The following LACTBL1 variants were observed in gnomAD, a reference collection of about 807,000 sequenced individuals.
LACTBL1 encodes beta-lactamase-like protein 1.
LACTBL1 carries 29 observed loss-of-function variants against 39.6 expected under a neutral mutation model. That is an observed-to-expected ratio of 0.73 (90% CI 0.55 to 1.00). The LOEUF (loss-of-function observed/expected upper bound fraction) is 1.00, where lower values mean the gene tolerates loss of function less well. Among genes scored for constraint, LACTBL1 ranks in the 50% least tolerant of loss-of-function variants. LACTBL1 has a pLI of 0.00. For missense variants in LACTBL1, 711 were observed against 748.5 expected (o/e 0.95, Z 0.59); for synonymous variants, 361 against 360.7 (o/e 1.00, Z -0.01).
intron 1 of LACTBL1, among the ~76,000 whole-genome samples, chr1:22,963,854 T>C (rs1000648478): frequency 6.6e-6 from 1 of 152,096 alleles, no homozygotes; most frequent in African/African-American, 2.4e-5. Flanking sequence ...TAATACATCC[T>C]CCTCGTCTTC....
At chr1:22,954,115 G>A (rs1640739789) in intron 5 of LACTBL1, 91 bp from the exon 8 acceptor site, 2 of 1,446,674 alleles carry the variant, frequency 1.4e-6, no homozygotes, top group South Asian at 3.0e-5. Context: ...ACTGGGCGGG[G>A]CTGGGAAGGA....
upstream of LACTBL1, among the ~76,000 whole-genome samples, chr1:22,966,512 A>G (rs574839052): frequency 3.9e-5 from 6 of 152,348 alleles, no homozygotes; most frequent in Admixed American, 2.0e-4. Context: ...ACATCACTAC[A>G]GATCTTACAG....
the LACTBL1 span, among the ~76,000 whole-genome samples, chr1:22,971,059 G>A: frequency 2.0e-5 from 3 of 152,196 alleles, no homozygotes; most frequent in Non-Finnish European, 2.9e-5. Context: ...CCCTTGGTGG[G>A]AAGGCAGCCT....
intron 4 of LACTBL1, among the ~76,000 whole-genome samples, chr1:22,956,714 A>ATCCCGCCCTGCCCAAT (rs1360427467): frequency 6.6e-6 from 1 of 152,002 alleles, no homozygotes; most frequent in Admixed American, 6.6e-5. Flanking sequence ...TCTGTTCCTG[A>ATCCCGCCCTGCCCAAT]TCCCGCCCTG....
chr1:22,971,018 A>G, the LACTBL1 span, among the ~76,000 whole-genome samples: 4 of 152,336 alleles, frequency 2.6e-5, no homozygotes, highest in Admixed American at 2.6e-4. Context: ...CCCTCCTGGC[A>G]TGAACACAGA....
At chr1:22,958,305 G>T (rs1640782433) in intron 4 of LACTBL1, among the ~76,000 whole-genome samples, 1 of 151,866 alleles carries the variant, frequency 6.6e-6, no homozygotes, top group African/African-American at 2.4e-5. Context: ...GACTGGCTTA[G>T]AATTACTGGG....
intron 2 of LACTBL1, among the ~76,000 whole-genome samples, chr1:22,962,402 A>C (rs1640834286): frequency 6.6e-6 from 1 of 151,370 alleles, no homozygotes. Context: ...ATCATGTTTC[A>C]CTCATCTCCA....
Position 22,959,187 on chromosome 1 carries a change from T to G in LACTBL1, c.318-267A>C, listed in dbSNP as rs1020195544. Among the ~76,000 whole-genome samples the G allele has an allele frequency of 9.4e-4, 143 of 152,314 alleles. 2 individuals carry two copies. The East Asian group carries it at 0.026, about 28-fold the overall frequency. ...TTTCCCATTCAGGGACAGACCTGAG[T>G]TTGGATGGTGTCTCTGCCTCTCACT... On this transcript the variant is annotated intron_variant, in intron 3 of 5. Transcript: ENST00000426928.
chr1:22,961,513 G>A (rs1430514448), intron 2 of LACTBL1, among the ~76,000 whole-genome samples: 1 of 152,070 alleles, frequency 6.6e-6, no homozygotes, highest in African/African-American at 2.4e-5. Flanking sequence ...ACAGTCATAT[G>A]CCACCACGTG....
chr1:22,966,075 A>G (rs1430260668), upstream of LACTBL1, among the ~76,000 whole-genome samples: 1 of 152,226 alleles, frequency 6.6e-6, no homozygotes, highest in Non-Finnish European at 1.5e-5. Flanking sequence ...ACACTTAACA[A>G]TGGTGAATTT....
chr1:22,963,217 C>T lies in LACTBL1; in HGVS notation c.50-1G>A. 1 of 1,347,360 alleles carries T rather than the reference C, an allele frequency of 7.4e-7. No individual in the cohort carries two copies. The highest frequency in any genetic ancestry group is 2.0e-5 in the South Asian group (1 of 49,170). 83.5% of individuals were successfully genotyped at this position (1,347,360 alleles called of 1,614,324 possible). ...GAGGTCTCCTCTGGTCCCAGGGAAC[C>T]TGGAGGGAACATCACATGGTGAGGA... On this transcript the variant is annotated splice_acceptor_variant, in intron 1 of 5. Transcript: ENST00000426928. LOFTEE classifies it high-confidence loss of function.
At chr1:22,957,843 C>T (rs1468632000) in intron 4 of LACTBL1, among the ~76,000 whole-genome samples, 2 of 151,422 alleles carry the variant, frequency 1.3e-5, no homozygotes, top group African/African-American at 2.4e-5. Context: ...GTAGAGACAG[C>T]GTTTCACCAT....
intron 2 of LACTBL1, 89 bp from the exon 5 acceptor site, chr1:22,960,188 C>T: frequency 6.8e-7 from 1 of 1,461,040 alleles, no homozygotes; most frequent in Non-Finnish European, 9.2e-7. Context: ...CATAGTCACA[C>T]CCTGCATGCA....
chr1:22,972,258 T>A, the LACTBL1 span: 1 of 982,602 alleles, frequency 1.0e-6, no homozygotes, highest in Non-Finnish European at 1.2e-6. Flanking sequence ...GTCAGACATG[T>A]GTCAGAAGCT....
chr1:22,972,539 G>T, the LACTBL1 span: 5 of 543,832 alleles, frequency 9.2e-6, no homozygotes, highest in Middle Eastern at 9.2e-4. Flanking sequence ...CCTCCCAGGT[G>T]AGAGAAACAG....
chr1:22,963,269 A>G, intron 1 of LACTBL1, 53 bp from the exon 4 acceptor site: 1 of 1,075,124 alleles, frequency 9.3e-7, no homozygotes, highest in Non-Finnish European at 1.2e-6. Flanking sequence ...ATAGGAATCT[A>G]GGGGGAAAGT....
upstream of LACTBL1, chr1:22,965,562 G>T (rs1640868522): frequency 3.5e-6 from 1 of 281,866 alleles, no homozygotes; most frequent in Non-Finnish European, 5.4e-6. Flanking sequence ...AAATTTCACA[G>T]TTGTGAAACC....
intron 2 of LACTBL1, among the ~76,000 whole-genome samples, chr1:22,962,241 A>G (rs909609517): frequency 6.6e-6 from 1 of 152,138 alleles, no homozygotes; most frequent in African/African-American, 2.4e-5. Context: ...TCCCCTTCAC[A>G]AAAACCTTTC....
chr1:22,958,684 C>T lies in LACTBL1; in HGVS notation c.553+1G>A, dbSNP rs1307982080. The T allele has an allele frequency of 1.3e-6, 2 of 1,542,664 alleles. No homozygotes were observed. Among genetic ancestry groups the T allele is most frequent in the Non-Finnish European group, 1.8e-6 (2 of 1,142,580 alleles). On this transcript the variant is annotated splice_donor_variant, in intron 4 of 5. Transcript: ENST00000426928. LOFTEE classifies it high-confidence loss of function. ...CAGCCTGAGTCAGTTCTGAGACTCA[C>T]CTGAGAGCTGGCTGGCCATCCTTCG...
Sources: gnomAD v4.1 joint callset for allele counts (sites outside exome capture counted in the v4.1 genomes callset) on GRCh38, gnomAD v4.1.1 for gene constraint, MANE v1.5 for transcripts, NCBI Gene and HGNC (gene_info 2026-07-23, HGNC 2026-07-21) for gene names.